The following NLGN1 variants were observed in gnomAD, a reference collection of about 807,000 sequenced individuals.
The protein encoded by NLGN1 is neuroligin 1.
NLGN1 carries 12 observed loss-of-function variants against 65.5 expected under a neutral mutation model. That is an observed-to-expected ratio of 0.18 (90% CI 0.12 to 0.30). The LOEUF is 0.30. Among genes scored for constraint, NLGN1 ranks in the 10% least tolerant of loss-of-function variants. The probability of loss-of-function intolerance (pLI) is 1.00; values close to 1 mark genes in which losing one functional copy is unlikely to be tolerated. For synonymous variants in NLGN1, 350 were observed against 359.5 expected (o/e 0.97, Z 0.30); for missense variants, 750 against 1,007.1 (o/e 0.74, Z 3.46).
At chr3:173,488,263 ATTTG>A (rs1728482197) in intron 2 of NLGN1, among the ~76,000 whole-genome samples, 1 of 152,004 alleles carries the variant, frequency 6.6e-6, no homozygotes, top group Non-Finnish European at 1.5e-5. Flanking sequence ...TACTACTTTG[ATTTG>A]TTTTAGTTCC....
At chr3:173,407,576 A>G (rs1560209298) in intron 1 of NLGN1, among the ~76,000 whole-genome samples, 1 of 152,176 alleles carries the variant, frequency 6.6e-6, no homozygotes, top group Non-Finnish European at 1.5e-5. Flanking sequence ...AAAAAAGGGG[A>G]GTCATATTTT....
chr3:173,861,361 A>T (rs535165017), intron 4 of NLGN1, among the ~76,000 whole-genome samples: 31 of 151,024 alleles, frequency 2.1e-4, no homozygotes, highest in African/African-American at 2.4e-4. Flanking sequence ...ACTAGAAATT[A>T]AAAAAAAATG....
chr3:174,063,605 CTTATA>C (rs1737867465), intron 4 of NLGN1, among the ~76,000 whole-genome samples: 1 of 151,730 alleles, frequency 6.6e-6, no homozygotes, highest in East Asian at 1.9e-4. Context: ...TCATGAGGTT[CTTATA>C]TTTTATATAC....
intron 3 of NLGN1, among the ~76,000 whole-genome samples, chr3:173,787,146 T>C (rs1782114807): frequency 6.6e-6 from 1 of 152,166 alleles, no homozygotes; most frequent in African/African-American, 2.4e-5. Flanking sequence ...CCCAAGTAAT[T>C]CACCATCGAG....
chr3:173,427,028 A>G (rs1208477752), intron 1 of NLGN1, among the ~76,000 whole-genome samples: 1 of 152,058 alleles, frequency 6.6e-6, no homozygotes, highest in East Asian at 1.9e-4. Context: ...CAGTTTTTCT[A>G]TTTCCTCATG....
intron 3 of NLGN1, among the ~76,000 whole-genome samples, chr3:173,691,666 A>G (rs1250356473): frequency 6.6e-6 from 1 of 151,846 alleles, no homozygotes; most frequent in African/African-American, 2.4e-5. Flanking sequence ...TTGAGATCAT[A>G]TATGAAGTCA....
At chr3:173,866,284 G>A (rs1315077880) in intron 4 of NLGN1, among the ~76,000 whole-genome samples, 4 of 152,138 alleles carry the variant, frequency 2.6e-5, no homozygotes, top group East Asian at 1.9e-4. Flanking sequence ...CCCGGGAGGC[G>A]GAGGTTGCAG....
chr3:174,202,027 T>C (rs934789095), intron 4 of NLGN1, among the ~76,000 whole-genome samples: 2 of 152,156 alleles, frequency 1.3e-5, no homozygotes, highest in Admixed American at 1.3e-4. Context: ...TCTTCCTCCT[T>C]CTTTCCTTTT....
chr3:173,952,169 G>A (rs561109117), intron 4 of NLGN1, among the ~76,000 whole-genome samples: 19 of 152,268 alleles, frequency 1.2e-4, no homozygotes, highest in Middle Eastern at 3.4e-3. Context: ...GTCTGTAGAT[G>A]AGCATGTGGC....
chr3:173,479,266 G>A (rs1437958361), intron 2 of NLGN1, among the ~76,000 whole-genome samples: 1 of 150,606 alleles, frequency 6.6e-6, no homozygotes, highest in Non-Finnish European at 1.5e-5. Flanking sequence ...GTGGCATTGG[G>A]CAAGAGTGAG....
At chr3:173,463,160 A>G (rs369927401) in intron 2 of NLGN1, among the ~76,000 whole-genome samples, 1 of 152,314 alleles carries the variant, frequency 6.6e-6, no homozygotes, top group East Asian at 1.9e-4. Flanking sequence ...GATGTATGCA[A>G]GTGGTCTGTG....
At chr3:174,087,112 G>C (rs1014827264) in intron 4 of NLGN1, among the ~76,000 whole-genome samples, 2 of 152,094 alleles carry the variant, frequency 1.3e-5, no homozygotes, top group African/African-American at 4.8e-5. Flanking sequence ...ACACACTGGA[G>C]CCCACTTGAG....
intron 2 of NLGN1, among the ~76,000 whole-genome samples, chr3:173,441,315 G>A (rs73032453): frequency 1.3e-5 from 2 of 152,034 alleles, no homozygotes; most frequent in Admixed American, 6.6e-5. Context: ...TTTTCTTCAC[G>A]ATCTTTTCCT....
intron 4 of NLGN1, among the ~76,000 whole-genome samples, chr3:174,256,821 T>C (rs1253632724): frequency 1.3e-5 from 2 of 152,102 alleles, no homozygotes; most frequent in Non-Finnish European, 2.9e-5. Context: ...GAAGAAAACC[T>C]AGGTAATACG....
chr3:173,920,445 C>T (rs1248118433), intron 4 of NLGN1: 2 of 152,168 alleles, frequency 1.3e-5, no homozygotes, highest in African/African-American at 4.8e-5. Flanking sequence ...AAGACACAGT[C>T]TGGCACAAAG....
rs186522194 is a variant in NLGN1 at position 173,808,108 on chromosome 3, A to T, written c.646+276A>T. The stretch of plus-strand genomic sequence containing the variant: ...TGGCAGGGCCTTATTGAAGAAGAGT[A>T]CATCTTTGAACAAATATTTCCTTCT... On this transcript the variant is annotated intron_variant, in intron 4 of 6. Coordinates refer to ENST00000457714, the Ensembl canonical transcript of NLGN1. 3.7e-4 allele frequency among the ~76,000 whole-genome samples: 57 copies of T among 152,284 alleles called. 1 individual carries two copies. The highest frequency in any genetic ancestry group is 1.2e-3 in the African/African-American group (50 of 41,574).
intron 4 of NLGN1, among the ~76,000 whole-genome samples, chr3:173,993,574 G>C (rs1721584823): frequency 6.6e-6 from 1 of 152,000 alleles, no homozygotes; most frequent in Admixed American, 6.6e-5. Flanking sequence ...TGGAGTTGCA[G>C]GTCCCAGACA....
At chr3:173,876,620 C>T (rs1732152567) in intron 4 of NLGN1, among the ~76,000 whole-genome samples, 1 of 152,004 alleles carries the variant, frequency 6.6e-6, no homozygotes, top group Admixed American at 6.6e-5. Context: ...GAGCCTGGGG[C>T]ATCTTTTGTT....
intron 2 of NLGN1, among the ~76,000 whole-genome samples, chr3:173,518,655 G>A (rs1734259308): frequency 6.6e-6 from 1 of 151,754 alleles, no homozygotes; most frequent in Non-Finnish European, 1.5e-5. Flanking sequence ...CTGCTTTTGA[G>A]AATCTTTTGT....
Sources: gnomAD v4.1 joint callset for allele counts (sites outside exome capture counted in the v4.1 genomes callset) on GRCh38, gnomAD v4.1.1 for gene constraint, MANE v1.5 for transcripts, NCBI Gene and HGNC (gene_info 2026-07-23, HGNC 2026-07-21) for gene names.